LRRC4C: variants seen among roughly 807,000 people sequenced by gnomAD.
LRRC4C encodes leucine-rich repeat-containing protein 4C.
Under a neutral mutation model 33.6 loss-of-function variants are expected in LRRC4C, and 5 were observed. That is an observed-to-expected ratio of 0.15 (90% CI 0.08 to 0.31). The LOEUF (loss-of-function observed/expected upper bound fraction) is 0.31. Among genes scored for constraint, LRRC4C ranks in the 10% least tolerant of loss-of-function variants. The probability of loss-of-function intolerance (pLI) is 1.00; values close to 1 mark genes in which losing one functional copy is unlikely to be tolerated. For synonymous variants in LRRC4C, 329 were observed against 302.0 expected (o/e 1.09, Z -0.93); for missense variants, 560 against 796.7 (o/e 0.70, Z 3.58).
chr11:40,846,036 T>C (rs970971553), intron 2 of LRRC4C, among the ~76,000 whole-genome samples: 5 of 136,880 alleles, frequency 3.7e-5, no homozygotes, highest in African/African-American at 1.1e-4. Context: ...TTTTTTTTTT[T>C]CTTGTAAATT....
rs139542919 is a variant in LRRC4C, at chr11:41,047,980, T to C, written c.-495-114257A>G. Among the ~76,000 whole-genome samples, 378 of 152,304 alleles carry C rather than the reference T, an allele frequency of 2.5e-3. 3 individuals are homozygous for C. Among genetic ancestry groups the C allele is most frequent in the African/African-American group, 8.5e-3 (355 of 41,572 alleles). ...CCCTTTCTGATCTCCCAAAGCATTT[T>C]ATCAATAGAGCTCTTAAACCACATT... On this transcript the variant is annotated intron_variant, in intron 1 of 6. Transcript: ENST00000528697.
intron 1 of LRRC4C, among the ~76,000 whole-genome samples, chr11:41,027,387 TCA>T (rs1437306801): frequency 6.6e-6 from 1 of 151,602 alleles, no homozygotes; most frequent in African/African-American, 2.4e-5. Flanking sequence ...GACTCAGTCT[TCA>T]ATTACTCTGA....
At chr11:41,353,879 A>G (rs1327814561) in intron 1 of LRRC4C, among the ~76,000 whole-genome samples, 3 of 152,110 alleles carry the variant, frequency 2.0e-5, no homozygotes, top group Admixed American at 1.3e-4. Flanking sequence ...ATGTACCACA[A>G]AATAATAACA....
At chr11:40,651,563 T>C (rs1300303461) in intron 2 of LRRC4C, among the ~76,000 whole-genome samples, 1 of 152,176 alleles carries the variant, frequency 6.6e-6, no homozygotes, top group Non-Finnish European at 1.5e-5. Context: ...ATAAGCTAGG[T>C]ACCAGTTAAG....
At chr11:40,806,476 A>G (rs1040135807) in intron 2 of LRRC4C, among the ~76,000 whole-genome samples, 1 of 152,224 alleles carries the variant, frequency 6.6e-6, no homozygotes, top group Admixed American at 6.5e-5. Context: ...GAAGCTACAT[A>G]ACTTTTTAGG....
At position 41,370,336 on chromosome 11, in the gene LRRC4C, A is replaced by G. The variant is rs151227633; in HGVS notation, c.-496+89095T>C. Among the ~76,000 whole-genome samples, 3 of 152,192 alleles carry G rather than the reference A, an allele frequency of 2.0e-5. No homozygotes were observed. The East Asian group carries it at 5.8e-4, about 29-fold the overall frequency. On this transcript the variant is annotated intron_variant, in intron 1 of 6. Transcript: ENST00000528697. ...GTATCTGGGACCATAGGTGTGTACC[A>G]CCATCCCCAGTGATAGGTTTGGCCC...
At chr11:40,503,544 C>T (rs1954883377) in intron 3 of LRRC4C, among the ~76,000 whole-genome samples, 1 of 152,120 alleles carries the variant, frequency 6.6e-6, no homozygotes, top group African/African-American at 2.4e-5. Flanking sequence ...TTAAAAAGCC[C>T]AATGCAATCT....
chr11:41,118,587 T>C (rs2135746268), intron 1 of LRRC4C, among the ~76,000 whole-genome samples: 2 of 152,324 alleles, frequency 1.3e-5, no homozygotes, highest in Admixed American at 1.3e-4. Flanking sequence ...GTCAATTCAT[T>C]CGTTTCTCAA....
intron 5 of LRRC4C, among the ~76,000 whole-genome samples, chr11:40,157,856 CTTAAAAAAA>C: frequency 6.6e-6 from 1 of 152,024 alleles, no homozygotes; most frequent in South Asian, 2.1e-4. Context: ...GTGGAGATTC[CTTAAAAAAA>C]CTAAAGGTAA....
intron 1 of LRRC4C, among the ~76,000 whole-genome samples, chr11:40,937,335 G>A (rs1957948137): frequency 6.6e-6 from 1 of 151,936 alleles, no homozygotes; most frequent in Non-Finnish European, 1.5e-5. Flanking sequence ...GAGGGTGGGA[G>A]ATATGGGTTG....
intron 1 of LRRC4C, among the ~76,000 whole-genome samples, chr11:41,212,485 T>C (rs1215537824): frequency 6.6e-6 from 1 of 152,242 alleles, no homozygotes; most frequent in Non-Finnish European, 1.5e-5. Context: ...ACATGTGCCA[T>C]GGCATGTGCC....
intron 2 of LRRC4C, among the ~76,000 whole-genome samples, chr11:40,811,096 A>G (rs1951469010): frequency 6.6e-6 from 1 of 151,992 alleles, no homozygotes. Flanking sequence ...ATTCTCTCCT[A>G]TGGATGTTTA....
chr11:40,932,144 G>A (rs927030709), intron 2 of LRRC4C, among the ~76,000 whole-genome samples: 2 of 151,788 alleles, frequency 1.3e-5, no homozygotes, highest in African/African-American at 4.8e-5. Flanking sequence ...AAGAGAGGAG[G>A]GAGTTATTAC....
rs114431298 is a variant in LRRC4C, at chr11:41,344,180, G to C, written c.-496+115251C>G. ...ATGTCTTCCGCTTCCAGAGCCCAGT[G>C]ATTTTCCCAATACCAATTCACTCTT... On this transcript the variant is annotated intron_variant, in intron 1 of 6. Coordinates refer to ENST00000528697, the MANE Select transcript of LRRC4C (RefSeq NM_001258419.2). Among the ~76,000 whole-genome samples, 643 of 149,594 alleles carry C rather than the reference G, an allele frequency of 4.3e-3. 3 individuals carry two copies. The highest frequency in any genetic ancestry group is 0.014 in the African/African-American group (566 of 40,788).
chr11:41,274,069 C>A (rs1949402481), intron 1 of LRRC4C, among the ~76,000 whole-genome samples: 1 of 152,012 alleles, frequency 6.6e-6, no homozygotes, highest in Non-Finnish European at 1.5e-5. Flanking sequence ...TAGAAATCTC[C>A]TGACATGGAG....
At chr11:40,387,218 G>A (rs997068741) in intron 3 of LRRC4C, among the ~76,000 whole-genome samples, 6 of 152,054 alleles carry the variant, frequency 3.9e-5, no homozygotes, top group Non-Finnish European at 8.8e-5. Flanking sequence ...AATGCATTTA[G>A]AATACAACCA....
intron 5 of LRRC4C, among the ~76,000 whole-genome samples, chr11:40,155,559 C>G (rs1185067072): frequency 6.6e-6 from 1 of 151,968 alleles, no homozygotes; most frequent in Non-Finnish European, 1.5e-5. Context: ...AAAGATCATT[C>G]AAGGCTACCA....
intron 3 of LRRC4C, among the ~76,000 whole-genome samples, chr11:40,415,740 G>A (rs1778093209): frequency 6.6e-6 from 1 of 152,166 alleles, no homozygotes; most frequent in South Asian, 2.1e-4. Context: ...AAGCAAAGTG[G>A]AGATAGGTTA....
intron 1 of LRRC4C, among the ~76,000 whole-genome samples, chr11:41,187,487 A>G (rs1319785677): frequency 6.6e-6 from 1 of 152,122 alleles, no homozygotes; most frequent in Non-Finnish European, 1.5e-5. Flanking sequence ...GCCCAACTCC[A>G]GGGGAAAACC....
Sources: allele counts gnomAD v4.1 joint callset (sites outside exome capture counted in the v4.1 genomes callset), GRCh38; gene constraint gnomAD v4.1.1; transcripts MANE v1.5; gene names NCBI Gene and HGNC (gene_info 2026-07-23, HGNC 2026-07-21).